Variants in HOMER2 observed in about 807,000 individuals in gnomAD.
The protein encoded by HOMER2 is homer protein homolog 2.
HOMER2 carries 27 observed loss-of-function variants against 47.0 expected under a neutral mutation model. The observed-to-expected ratio is 0.57, with a 90% CI of 0.42 to 0.79. The LOEUF is 0.79. Among genes scored for constraint, HOMER2 ranks in the 30% least tolerant of loss-of-function variants. The pLI, the probability that HOMER2 is intolerant of heterozygous loss-of-function variation, is 0.00. For missense variants in HOMER2, 443 were observed against 435.0 expected (o/e 1.02, Z -0.16); for synonymous variants, 161 against 163.8 (o/e 0.98, Z 0.13).
chr15:82,926,139 C>G (rs191476953), intron 1 of HOMER2: 1 of 152,378 alleles, frequency 6.6e-6, no homozygotes, highest in Admixed American at 6.5e-5. Flanking sequence ...TGTCCCAGTC[C>G]ACACGGGCTG....
intron 5 of HOMER2, among the ~76,000 whole-genome samples, chr15:82,856,645 G>A (rs955257089): frequency 1.3e-5 from 2 of 152,068 alleles, no homozygotes; most frequent in African/African-American, 4.8e-5. Flanking sequence ...AATAAATAAA[G>A]CTCTCACAAT....
Position 82,858,962 on chromosome 15 carries a change from C to CA in HOMER2, c.494+66dup, listed in dbSNP as rs2051681834. On this transcript the variant is annotated intron_variant, in intron 5 of 8. Transcript: ENST00000450735. ...CCCAATTTCCTGAAACCCTGTCCAG[C>CA]AAGAAAGGCTTCTAGGGAAGTGCTG... The CA allele has an allele frequency of 3.9e-6, 6 of 1,537,554 alleles. No homozygotes were observed. The Admixed American group carries it at 9.6e-5, about 25-fold the overall frequency.
At chr15:82,922,853 A>C (rs998139640) in intron 1 of HOMER2, among the ~76,000 whole-genome samples, 2 of 151,970 alleles carry the variant, frequency 1.3e-5, no homozygotes, top group African/African-American at 4.8e-5. Flanking sequence ...GTCCCTGCTC[A>C]CCCCATACCT....
At chr15:82,951,785 C>T (rs1348476604) in intron 1 of HOMER2, among the ~76,000 whole-genome samples, 1 of 152,246 alleles carries the variant, frequency 6.6e-6, no homozygotes, top group Admixed American at 6.5e-5. Context: ...CCCCTGAATA[C>T]GTATGGCAAA....
chr15:82,855,049 T>C (rs1004826191), intron 5 of HOMER2, among the ~76,000 whole-genome samples: 1 of 152,050 alleles, frequency 6.6e-6, no homozygotes, highest in Non-Finnish European at 1.5e-5. Flanking sequence ...GAGAACACAA[T>C]TCTTGGGCCG....
downstream of HOMER2, chr15:82,836,941 G>A (rs899055658): frequency 6.6e-6 from 1 of 152,404 alleles, no homozygotes. Context: ...CACCACAAAA[G>A]TAGCTGCTTA....
downstream of HOMER2, chr15:82,836,148 GA>G (rs1409831016): frequency 2.0e-5 from 3 of 152,200 alleles, no homozygotes. Context: ...TCCTCCTCTG[GA>G]ACCTTCTCTC....
intron 1 of HOMER2, among the ~76,000 whole-genome samples, chr15:82,965,046 G>T (rs991805704): frequency 2.0e-4 from 30 of 152,042 alleles, no homozygotes; most frequent in African/African-American, 7.0e-4. Context: ...TTGAGACAGG[G>T]TCTCACTGCA....
At chr15:82,878,654 G>A (rs1163041011) in intron 2 of HOMER2, among the ~76,000 whole-genome samples, 2 of 152,126 alleles carry the variant, frequency 1.3e-5, no homozygotes, top group Non-Finnish European at 2.9e-5. Flanking sequence ...TTGAGATAGG[G>A]TCTTGCTCTG....
Position 82,939,998 on chromosome 15 carries a change from A to G in HOMER2, c.5+12533T>C, listed in dbSNP as rs536948846. ...AACCAAACACCGCATGTTCTCACTC[A>G]TAAGTGGGAATTGAACAATGAGAAC... On this transcript the variant is annotated intron_variant, in intron 1 of 8. Coordinates refer to ENST00000450735, the MANE Select transcript of HOMER2 (RefSeq NM_004839.4). 1.2e-4 allele frequency among the ~76,000 whole-genome samples: 18 copies of G among 152,322 alleles called. No homozygotes were observed. The South Asian group carries it at 1.2e-3, about 11-fold the overall frequency.
chr15:82,965,201 TAG>T (rs1243713697), intron 1 of HOMER2, among the ~76,000 whole-genome samples: 2 of 152,118 alleles, frequency 1.3e-5, no homozygotes, highest in African/African-American at 4.8e-5. Flanking sequence ...GTATTTTTTG[TAG>T]AGACGAGGTC....
chr15:82,931,134 A>C (rs2053999141), intron 1 of HOMER2, among the ~76,000 whole-genome samples: 1 of 151,968 alleles, frequency 6.6e-6, no homozygotes, highest in South Asian at 2.1e-4. Flanking sequence ...ATTCTACCAC[A>C]TGCCACCTTC....
intron 1 of HOMER2, among the ~76,000 whole-genome samples, chr15:82,949,233 G>A (rs953934274): frequency 2.6e-5 from 4 of 152,272 alleles, no homozygotes; most frequent in African/African-American, 7.2e-5. Flanking sequence ...TTAAAGTGTG[G>A]GCATCATGGG....
chr15:82,950,642 A>T (rs1264257030), intron 1 of HOMER2, among the ~76,000 whole-genome samples: 1 of 152,224 alleles, frequency 6.6e-6, no homozygotes, highest in Non-Finnish European at 1.5e-5. Context: ...TGGATCTATT[A>T]AAAATGGCAG....
At position 82,975,169 on chromosome 15, in the gene HOMER2, T is replaced by C. The variant is rs1040230901; in HGVS notation, n.82+10618A>G. ...AGATCAGAACTACAATGAGGTATCA[T>C]CTCACCCCAGTTAAAATGGTTTATA... On this transcript the variant is annotated intron_variant and non_coding_transcript_variant, in intron 1 of 1. Transcript: ENST00000500334. Among the ~76,000 whole-genome samples, 4 of 152,156 alleles carry C rather than the reference T, an allele frequency of 2.6e-5. No individual in the cohort carries two copies. The East Asian group carries it at 7.7e-4, about 29-fold the overall frequency.
chr15:82,857,651 G>A (rs866261792), intron 5 of HOMER2, among the ~76,000 whole-genome samples: 4 of 151,846 alleles, frequency 2.6e-5, no homozygotes, highest in Non-Finnish European at 4.4e-5. Flanking sequence ...GGCTGGTCTC[G>A]AACTCCTGAC....
chr15:82,964,552 G>C (rs2054656911), intron 1 of HOMER2, among the ~76,000 whole-genome samples: 1 of 152,180 alleles, frequency 6.6e-6, no homozygotes, highest in Non-Finnish European at 1.5e-5. Flanking sequence ...GATCACTTGA[G>C]GTCAGGAGTT....
At chr15:82,879,614 A>T (rs1226922682) in intron 2 of HOMER2, among the ~76,000 whole-genome samples, 1 of 152,280 alleles carries the variant, frequency 6.6e-6, no homozygotes, top group East Asian at 1.9e-4. Context: ...AAAAATGCTA[A>T]GGACCATCTG....
intron 1 of HOMER2, among the ~76,000 whole-genome samples, chr15:82,984,891 G>A (rs2030537788): frequency 1.3e-5 from 2 of 152,076 alleles, no homozygotes; most frequent in African/African-American, 4.8e-5. Flanking sequence ...ATTAGATAAA[G>A]GCCTGTTTAC....
Sources: gnomAD v4.1 joint callset for allele counts (sites outside exome capture counted in the v4.1 genomes callset) on GRCh38, gnomAD v4.1.1 for gene constraint, MANE v1.5 for transcripts, NCBI Gene and HGNC (gene_info 2026-07-23, HGNC 2026-07-21) for gene names.